The following NEK11 variants were observed in gnomAD, a reference collection of about 807,000 sequenced individuals.
NEK11 encodes serine/threonine-protein kinase Nek11.
In NEK11, 72 loss-of-function variants were observed where a neutral mutation model predicts 80.7. The observed-to-expected ratio is 0.89, with a 90% confidence interval of 0.74 to 1.08. The LOEUF is 1.08. Among genes scored for constraint, NEK11 ranks in the 50% least tolerant of loss-of-function variants. NEK11 has a pLI of 0.00. For synonymous variants in NEK11, 251 were observed against 260.7 expected (o/e 0.96, Z 0.36); for missense variants, 764 against 763.6 (o/e 1.00, Z -0.01).
intron 14 of NEK11, among the ~76,000 whole-genome samples, chr3:131,220,933 A>G (rs976637736): frequency 6.6e-6 from 1 of 152,150 alleles, no homozygotes; most frequent in Non-Finnish European, 1.5e-5. Context: ...TGCAGTTCGA[A>G]GGTATGACTA....
intron 15 of NEK11, among the ~76,000 whole-genome samples, chr3:131,242,455 T>G (rs2095534111): frequency 6.6e-6 from 1 of 152,126 alleles, no homozygotes; most frequent in Non-Finnish European, 1.5e-5. Context: ...TCCAGTAAAG[T>G]TCAATTTAAA....
At chr3:131,288,334 T>A (rs1218413048) in intron 17 of NEK11, among the ~76,000 whole-genome samples, 2 of 152,188 alleles carry the variant, frequency 1.3e-5, no homozygotes, top group African/African-American at 4.8e-5. Context: ...TTGTTTTTAA[T>A]CCTAGGGTTT....
At chr3:131,189,000 A>C (rs971840656) in intron 14 of NEK11, among the ~76,000 whole-genome samples, 1 of 152,180 alleles carries the variant, frequency 6.6e-6, no homozygotes, top group Non-Finnish European at 1.5e-5. Context: ...TCCTCATCAG[A>C]GAAGAGAAAA....
chr3:131,288,571 G>C (rs1405950646), intron 17 of NEK11, among the ~76,000 whole-genome samples: 1 of 150,508 alleles, frequency 6.6e-6, no homozygotes, highest in Non-Finnish European at 1.5e-5. Flanking sequence ...TCCTGCCTCA[G>C]CCTCCTGAGT....
At chr3:131,306,131 A>G (rs1019325967) in intron 17 of NEK11, among the ~76,000 whole-genome samples, 2 of 152,142 alleles carry the variant, frequency 1.3e-5, no homozygotes, top group African/African-American at 2.4e-5. Context: ...CTTTTTGTAC[A>G]TGCTATCTAC....
chr3:131,322,650 G>A (rs1225927369), intron 17 of NEK11, among the ~76,000 whole-genome samples: 1 of 152,156 alleles, frequency 6.6e-6, no homozygotes. Flanking sequence ...TAGGTCTGAG[G>A]AGGGGTGAGA....
chr3:131,349,832 T>G lies in NEK11; in HGVS notation c.*56T>G. On this transcript the variant is annotated 3_prime_UTR_variant, in exon 18 of 18. Coordinates refer to ENST00000383366, the MANE Select transcript of NEK11 (RefSeq NM_024800.5). ...TGGACAAATTTATGTGAAAATTCAT[T>G]TAACATATAAGCTGAACTCTATTAT... 7.4e-7 allele frequency: 1 copy of G among 1,353,236 alleles called. No homozygotes were observed. Among genetic ancestry groups the G allele is most frequent in the Non-Finnish European group, 1.1e-6 (1 of 949,710 alleles). 83.8% of individuals were successfully genotyped at this position (1,353,236 alleles called of 1,614,324 possible). A position where few individuals can be genotyped will look rare whatever the true frequency, so the allele number is the denominator to read the frequency against.
At chr3:131,215,310 T>A (rs9824330) in intron 14 of NEK11, among the ~76,000 whole-genome samples, 4 of 149,300 alleles carry the variant, frequency 2.7e-5, no homozygotes, top group East Asian at 4.0e-4. Context: ...CATTAGGAGA[T>A]ATACCTAATG....
chr3:131,334,305 T>G (rs1394541408), intron 17 of NEK11, among the ~76,000 whole-genome samples: 1 of 152,134 alleles, frequency 6.6e-6, no homozygotes, highest in Admixed American at 6.5e-5. Flanking sequence ...ATCTCAGCAT[T>G]AAGAAACTCA....
At chr3:131,278,239 C>T (rs1222593798) in intron 17 of NEK11, among the ~76,000 whole-genome samples, 1 of 152,230 alleles carries the variant, frequency 6.6e-6, no homozygotes, top group Non-Finnish European at 1.5e-5. Flanking sequence ...ATAAATGAAA[C>T]TCCCCTACTG....
chr3:131,236,314 G>A (rs2095429488), intron 15 of NEK11, among the ~76,000 whole-genome samples: 1 of 152,148 alleles, frequency 6.6e-6, no homozygotes, highest in South Asian at 2.1e-4. Context: ...ACCAGTTCCT[G>A]GAAAATCCAT....
At chr3:131,108,059 G>C (rs1427981843) in intron 4 of NEK11, among the ~76,000 whole-genome samples, 1 of 152,100 alleles carries the variant, frequency 6.6e-6, no homozygotes, top group Non-Finnish European at 1.5e-5. Flanking sequence ...ATTCCACCAA[G>C]CTTTGGAACA....
Position 131,292,070 on chromosome 3 carries a change from A to G in NEK11, c.1718+18496A>G, listed in dbSNP as rs76183443. Among the ~76,000 whole-genome samples the G allele has an allele frequency of 4.6e-3, 706 of 152,294 alleles. 32 individuals carry two copies. In the East Asian group the frequency reaches 0.12, roughly 25 times the overall value. On this transcript the variant is annotated intron_variant, in intron 17 of 17. Coordinates refer to ENST00000383366, the MANE Select transcript of NEK11 (RefSeq NM_024800.5). ...AGTCTTGCACTTTACATTTAGGTCT[A>G]TGATCCATTTTGAGATAATTCTTGT...
intron 3 of NEK11, among the ~76,000 whole-genome samples, chr3:131,048,370 T>A (rs1373548460): frequency 6.6e-6 from 1 of 152,240 alleles, no homozygotes; most frequent in Non-Finnish European, 1.5e-5. Flanking sequence ...CTTCTCCCTG[T>A]GGTCTTTTCC....
At chr3:131,213,085 G>T (rs2094690186) in intron 14 of NEK11, among the ~76,000 whole-genome samples, 1 of 152,036 alleles carries the variant, frequency 6.6e-6, no homozygotes, top group Non-Finnish European at 1.5e-5. Context: ...TGAGTGTCCA[G>T]CCTGTTGCCC....
chr3:131,111,084 G>A (rs1331481779), intron 5 of NEK11, among the ~76,000 whole-genome samples: 1 of 151,850 alleles, frequency 6.6e-6, no homozygotes. Context: ...TTATATGCAA[G>A]AAAAACAACT....
chr3:131,161,265 A>C (rs1364254550), intron 10 of NEK11, among the ~76,000 whole-genome samples: 1 of 152,236 alleles, frequency 6.6e-6, no homozygotes, highest in Non-Finnish European at 1.5e-5. Context: ...CATTGTGGAA[A>C]ACAGTGTGGC....
At chr3:131,304,557 T>C (rs549582672) in intron 17 of NEK11, among the ~76,000 whole-genome samples, 199 of 152,214 alleles carry the variant, frequency 1.3e-3, no homozygotes, top group African/African-American at 4.5e-3. Context: ...AGTTGCTTTC[T>C]TGTGGATGGG....
At chr3:131,115,956 T>TTCTTTCTTTCTTTC (rs1560476606) in intron 5 of NEK11, among the ~76,000 whole-genome samples, 63 of 143,782 alleles carry the variant, frequency 4.4e-4, no homozygotes, top group Middle Eastern at 3.5e-3. Flanking sequence ...CTTTCTTTCT[T>TTCTTTCTTTCTTTC]TCTTTCTTTC....
Sources: gnomAD v4.1 joint callset for allele counts (sites outside exome capture counted in the v4.1 genomes callset) on GRCh38, gnomAD v4.1.1 for gene constraint, MANE v1.5 for transcripts, NCBI Gene and HGNC (gene_info 2026-07-23, HGNC 2026-07-21) for gene names.